The following MINDY3 variants were observed in gnomAD, a reference collection of about 807,000 sequenced individuals.
MINDY3 encodes MINDY lysine 48 deubiquitinase 3.
Under a neutral mutation model 69.2 loss-of-function variants are expected in MINDY3, and 38 were observed. That is an observed-to-expected ratio of 0.55 (90% CI 0.42 to 0.72). The LOEUF is 0.72. Among genes scored for constraint, MINDY3 ranks in the 30% least tolerant of loss-of-function variants. The probability of loss-of-function intolerance (pLI) is 0.00; values close to 1 mark genes in which losing one functional copy is unlikely to be tolerated. For missense variants in MINDY3, 522 were observed against 519.0 expected (o/e 1.01, Z -0.06); for synonymous variants, 192 against 180.1 (o/e 1.07, Z -0.53).
At chr10:15,845,225 T>C (rs574331764) in intron 2 of MINDY3, among the ~76,000 whole-genome samples, 1 of 151,318 alleles carries the variant, frequency 6.6e-6, no homozygotes, top group East Asian at 1.9e-4. Context: ...TTTATGGAAG[T>C]TTATTTTATT....
intron 10 of MINDY3, among the ~76,000 whole-genome samples, chr10:15,802,572 G>A (rs1044632223): frequency 2.0e-4 from 31 of 152,094 alleles, no homozygotes; most frequent in Non-Finnish European, 8.8e-5. Context: ...GATCTGGGTA[G>A]GGACAAAGCC....
At chr10:15,781,690 C>G (rs1055859648) in intron 14 of MINDY3, among the ~76,000 whole-genome samples, 12 of 152,152 alleles carry the variant, frequency 7.9e-5, no homozygotes, top group Non-Finnish European at 1.2e-4. Context: ...ACAGACAACA[C>G]TTCCTTCATA....
chr10:15,786,272 A>G (rs557949325), intron 13 of MINDY3, among the ~76,000 whole-genome samples: 23 of 152,196 alleles, frequency 1.5e-4, no homozygotes, highest in South Asian at 6.2e-4. Flanking sequence ...GGGAGTGGAG[A>G]AAGAGAATCT....
intron 8 of MINDY3, among the ~76,000 whole-genome samples, chr10:15,827,519 G>T (rs1367301859): frequency 6.6e-6 from 1 of 151,328 alleles, no homozygotes; most frequent in African/African-American, 2.4e-5. Context: ...CTCCAGCCTG[G>T]GTGACAGAGT....
chr10:15,842,250 A>C (rs1342213860), intron 3 of MINDY3, among the ~76,000 whole-genome samples: 1 of 151,834 alleles, frequency 6.6e-6, no homozygotes, highest in South Asian at 2.1e-4. Context: ...ACTTTCAAAA[A>C]TTTTATGATA....
At chr10:15,796,079 G>A (rs1423871279) in intron 11 of MINDY3, 21 bp downstream of exon 11, 1 of 1,582,210 alleles carries the variant, frequency 6.3e-7, no homozygotes, top group South Asian at 1.1e-5. Context: ...AAAACACAGA[G>A]ATGATGTTAA....
chr10:15,843,879 G>T (rs1833653243), intron 2 of MINDY3, among the ~76,000 whole-genome samples: 1 of 152,100 alleles, frequency 6.6e-6, no homozygotes, highest in African/African-American at 2.4e-5. Context: ...TCAAAGTGTA[G>T]TTCAACGGTA....
At chr10:15,801,582 T>C (rs1443899259) in intron 10 of MINDY3, among the ~76,000 whole-genome samples, 1 of 151,988 alleles carries the variant, frequency 6.6e-6, no homozygotes, top group East Asian at 1.9e-4. Flanking sequence ...ACATCACTAA[T>C]ACAGCCTCTA....
At chr10:15,798,693 T>A (rs1232623815) in intron 10 of MINDY3, among the ~76,000 whole-genome samples, 2 of 151,920 alleles carry the variant, frequency 1.3e-5, no homozygotes, top group East Asian at 3.9e-4. Flanking sequence ...GGCAGGAAAA[T>A]CATTTGAACC....
At chr10:15,852,710 C>G (rs538745191) in intron 1 of MINDY3, among the ~76,000 whole-genome samples, 1 of 151,872 alleles carries the variant, frequency 6.6e-6, no homozygotes, top group Admixed American at 6.6e-5. Flanking sequence ...GGGAGAGTAG[C>G]CAAATTTTAA....
intron 1 of MINDY3, among the ~76,000 whole-genome samples, chr10:15,858,650 A>C (rs1372096311): frequency 1.3e-5 from 2 of 152,216 alleles, no homozygotes; most frequent in Non-Finnish European, 2.9e-5. Flanking sequence ...AACCAAGTAC[A>C]TCTATTCCAG....
At chr10:15,809,165 G>T (rs988758212) in intron 10 of MINDY3, among the ~76,000 whole-genome samples, 1 of 152,020 alleles carries the variant, frequency 6.6e-6, no homozygotes, top group Admixed American at 6.6e-5. Flanking sequence ...AAAAGATGAA[G>T]AATCAATGAG....
At chr10:15,823,247 G>A (rs1433666720) in intron 8 of MINDY3, among the ~76,000 whole-genome samples, 1 of 152,152 alleles carries the variant, frequency 6.6e-6, no homozygotes, top group Non-Finnish European at 1.5e-5. Context: ...AGATCAGGTA[G>A]AGCAATGGTT....
At chr10:15,786,937 G>C (rs1465654201) in intron 12 of MINDY3, among the ~76,000 whole-genome samples, 3 of 152,104 alleles carry the variant, frequency 2.0e-5, no homozygotes, top group Non-Finnish European at 4.4e-5. Context: ...ATAAACTCAA[G>C]CTTGTAACTT....
At chr10:15,829,112 G>T (rs538915374) in intron 8 of MINDY3, among the ~76,000 whole-genome samples, 1 of 152,312 alleles carries the variant, frequency 6.6e-6, no homozygotes, top group African/African-American at 2.4e-5. Context: ...ACTATGATGC[G>T]AGGTGTAATA....
At chr10:15,820,657 C>G (rs1588586074) in intron 9 of MINDY3, among the ~76,000 whole-genome samples, 1 of 152,296 alleles carries the variant, frequency 6.6e-6, no homozygotes. Flanking sequence ...AAGGGCAGGA[C>G]AAATCCAATT....
At chr10:15,812,441 A>C (rs1412083295) in intron 10 of MINDY3, among the ~76,000 whole-genome samples, 1 of 152,190 alleles carries the variant, frequency 6.6e-6, no homozygotes, top group Non-Finnish European at 1.5e-5. Flanking sequence ...CTTAGCTATC[A>C]CATTTCTGCC....
At chr10:15,808,222 A>G (rs1838764320) in intron 10 of MINDY3, among the ~76,000 whole-genome samples, 1 of 152,198 alleles carries the variant, frequency 6.6e-6, no homozygotes, top group East Asian at 1.9e-4. Context: ...CTACAAGAAC[A>G]AATAATTAGC....
At chr10:15,849,568 C>T (rs909584202) in intron 1 of MINDY3, among the ~76,000 whole-genome samples, 18 of 151,638 alleles carry the variant, frequency 1.2e-4, no homozygotes, top group African/African-American at 4.1e-4. Context: ...AGAGAAACTA[C>T]ATTCAAATAA....
Sources: allele counts gnomAD v4.1 joint callset (sites outside exome capture counted in the v4.1 genomes callset), GRCh38; gene constraint gnomAD v4.1.1; transcripts MANE v1.5; gene names NCBI Gene and HGNC (gene_info 2026-07-23, HGNC 2026-07-21).